Variants in ATM observed in about 807,000 individuals in gnomAD.
ATM encodes serine-protein kinase ATM.
ATM carries 308 observed loss-of-function variants against 387.0 expected under a neutral mutation model. The observed-to-expected ratio is 0.80, with a 90% CI of 0.73 to 0.87. The LOEUF (loss-of-function observed/expected upper bound fraction) is 0.87, where lower values mean the gene tolerates loss of function less well. Among genes scored for constraint, ATM ranks in the 40% least tolerant of loss-of-function variants. The pLI, the probability that ATM is intolerant of heterozygous loss-of-function variation, is 0.00. For synonymous variants in ATM, 1,156 were observed against 1,187.3 expected (o/e 0.97, Z 0.54); for missense variants, 3,312 against 3,560.9 (o/e 0.93, Z 1.78).
chr11:108,257,921 G>T (rs558648479), intron 15 of ATM, among the ~76,000 whole-genome samples: 4 of 151,986 alleles, frequency 2.6e-5, no homozygotes, highest in Non-Finnish European at 4.4e-5. Flanking sequence ...CTTTCACCCA[G>T]AGTGAGTGAT....
At chr11:108,298,086 G>T (rs547646926) in intron 33 of ATM, among the ~76,000 whole-genome samples, 1 of 152,270 alleles carries the variant, frequency 6.6e-6, no homozygotes, top group African/African-American at 2.4e-5. Flanking sequence ...AACCATTCAA[G>T]TCCTTTCCTA....
intron 5 of ATM, among the ~76,000 whole-genome samples, chr11:108,238,586 T>C (rs1289349495): frequency 6.6e-6 from 1 of 152,202 alleles, no homozygotes; most frequent in Admixed American, 6.5e-5. Context: ...ACAAAAATTA[T>C]ACAGAAGTCC....
At chr11:108,273,815 G>A (rs1185611870) in intron 22 of ATM, among the ~76,000 whole-genome samples, 3 of 152,094 alleles carry the variant, frequency 2.0e-5, no homozygotes, top group Non-Finnish European at 2.9e-5. Context: ...TGTTCATCAC[G>A]GATAATGGCC....
intron 57 of ATM, among the ~76,000 whole-genome samples, chr11:108,344,561 G>A (rs2081544842): frequency 6.6e-6 from 1 of 152,128 alleles, no homozygotes; most frequent in African/African-American, 2.4e-5. Flanking sequence ...AAGAAATTCC[G>A]ACGGCACTGT....
At chr11:108,269,816 CGTCAAT>C (rs1565422241) in intron 18 of ATM, among the ~76,000 whole-genome samples, 1 of 152,180 alleles carries the variant, frequency 6.6e-6, no homozygotes, top group Non-Finnish European at 1.5e-5. Context: ...TGAAAATGCA[CGTCAAT>C]CCCTTAGAGT....
At chr11:108,262,665 T>A (rs1473117959) in intron 16 of ATM, among the ~76,000 whole-genome samples, 1 of 151,506 alleles carries the variant, frequency 6.6e-6, no homozygotes, top group Admixed American at 6.6e-5. Context: ...GACTAAATGC[T>A]CCAATTAAAA....
intron 15 of ATM, 145 bp from the exon 16 acceptor site, chr11:108,258,841 A>G (rs2080679279): frequency 1.5e-6 from 1 of 668,190 alleles, no homozygotes; most frequent in Admixed American, 2.5e-5. Context: ...CTCTAAGAAA[A>G]GATGTGTTTT....
chr11:108,349,517 G>T (rs901246417), intron 59 of ATM, among the ~76,000 whole-genome samples: 1 of 152,162 alleles, frequency 6.6e-6, no homozygotes, highest in Non-Finnish European at 1.5e-5. Context: ...CAAAAAATTA[G>T]CCGGGCGAGG....
At chr11:108,289,524 A>G in intron 28 of ATM, 78 bp from the exon 29 acceptor site, 9 of 1,087,680 alleles carry the variant, frequency 8.3e-6, no homozygotes, top group Non-Finnish European at 1.2e-5. Context: ...CAAATATTTG[A>G]AGAAAAAATA....
At chr11:108,235,315 T>C (rs2079211348) in intron 4 of ATM, among the ~76,000 whole-genome samples, 4 of 149,822 alleles carry the variant, frequency 2.7e-5, no homozygotes, top group African/African-American at 9.9e-5. Context: ...AAAAAAAGAA[T>C]GATTGTTTTT....
rs1258380837 is a variant in ATM at position 108,250,939 on chromosome 11, T to C, written c.1474T>C (p.Phe492Leu). ...CTGGAATAAAATTTGGTGTATTACCTTTCGTGGTATAAGTTCTGAGCAAAT... is the reference window on the plus strand; with the variant it reads ...CTGGAATAAAATTTGGTGTATTACCCTTCGTGGTATAAGTTCTGAGCAAAT... ...KLWNKIWCITFRGISSEQIQA... is the reference protein window; with the variant it reads ...KLWNKIWCITLRGISSEQIQA... Residue 492 changes from phenylalanine to leucine, a missense_variant, in exon 10 of 63, where the codon TTT becomes CTT. Physicochemically the swap from Phe to Leu is conservative, Grantham distance 22. Transcript: ENST00000675843. The C allele has an allele frequency of 6.2e-7, 1 of 1,614,208 alleles. No homozygotes were observed. Among genetic ancestry groups the C allele is most frequent in the Non-Finnish European group, 8.5e-7 (1 of 1,180,030 alleles).
intron 15 of ATM, among the ~76,000 whole-genome samples, chr11:108,258,652 A>G (rs1276636107): frequency 6.6e-6 from 1 of 152,188 alleles, no homozygotes; most frequent in East Asian, 1.9e-4. Flanking sequence ...ATATAGCAAT[A>G]TTATCAACAT....
chr11:108,365,344 A>G lies in ATM; in HGVS notation c.9007A>G (p.Asn3003Asp), dbSNP rs1137889. The G allele has an allele frequency of 6.2e-7, 1 of 1,614,218 alleles. No homozygotes were observed. ...RNLSDIDQSF[N>D]KVAERVLMRL... ...CCTTAGTGATATTGACCAGAGTTTC[A>G]ACAAAGTAGCTGAACGTGTCTTAAT... is the stretch of plus-strand genomic sequence containing the variant. The change falls in exon 63 of 63, where the codon AAC becomes GAC. Residue 3003 changes from asparagine (N) to aspartate (D), a missense_variant. Around this residue, in one of 4 missense-constraint regions of ATM, gnomAD observed 95 missense variants for 100.3 expected, o/e 0.95. Transcript: ENST00000675843.
chr11:108,298,146 CT>C (rs1307408879), intron 33 of ATM, among the ~76,000 whole-genome samples: 1 of 152,134 alleles, frequency 6.6e-6, no homozygotes, highest in African/African-American at 2.4e-5. Context: ...AACATCATCT[CT>C]AGTTTAGGTG....
At position 108,292,760 on chromosome 11, in the gene ATM, C is replaced by A. The variant is rs1800889; in HGVS notation, c.4578C>A (p.Pro1526=). ...HLHVIVGTLI[P]LVYEQVEVQK... ...ATGTTATTGTTGGTACACTTATACC[C>A]CTTGTGTATGAGCAGGTGGAGGTTC... The change falls in exon 30 of 63, where the codon CCC becomes CCA. Residue 1526 remains proline (P), a synonymous_variant. Transcript: ENST00000675843. The A allele has an allele frequency of 6.2e-7, 1 of 1,613,896 alleles. No individual in the cohort carries two copies. Among genetic ancestry groups the A allele is most frequent in the Non-Finnish European group, 8.5e-7 (1 of 1,179,924 alleles).
rs571221899 is a variant in ATM, at chr11:108,340,533, TC to T, written c.8269-2687del. On this transcript the variant is annotated intron_variant, in intron 56 of 62. Transcript: ENST00000675843. ...CATCAGCAAGTCCTATTGGTCAACT[TC>T]CAGGCAGGTCACTTTACCACCCCTG... is the stretch of plus-strand genomic sequence containing the variant. Among the ~76,000 whole-genome samples the T allele has an allele frequency of 1.1e-4, 17 of 152,314 alleles. No homozygotes were observed. The East Asian group carries it at 2.7e-3, about 24-fold the overall frequency.
chr11:108,364,795 A>C (rs1021650582), intron 61 of ATM, among the ~76,000 whole-genome samples: 1 of 152,236 alleles, frequency 6.6e-6, no homozygotes, highest in East Asian at 1.9e-4. Context: ...AGAAGGAAAG[A>C]AAGTGACTAA....
intron 24 of ATM, 52 bp from the exon 25 acceptor site, chr11:108,282,658 A>G (rs1209426201): frequency 2.0e-6 from 3 of 1,527,196 alleles, no homozygotes; most frequent in African/African-American, 2.7e-5. Context: ...AAGCATTTAA[A>G]TGATTTATTT....
intron 29 of ATM, among the ~76,000 whole-genome samples, chr11:108,291,992 A>T (rs2082821120): frequency 6.6e-6 from 1 of 152,210 alleles, no homozygotes; most frequent in South Asian, 2.1e-4. Context: ...GTATGTCTCA[A>T]CAGTAATCTT....
Sources: gnomAD v4.1 joint callset for allele counts (sites outside exome capture counted in the v4.1 genomes callset) on GRCh38, gnomAD v4.1.1 for gene constraint, gnomAD v4.1.1 regional missense constraint, MANE v1.5 for transcripts, NCBI Gene and HGNC (gene_info 2026-07-23, HGNC 2026-07-21) for gene names.